The following FOXP2 variants were observed in gnomAD, a reference collection of about 807,000 sequenced individuals.
FOXP2 encodes the protein forkhead box protein P2.
A neutral mutation model predicts 115.8 loss-of-function variants in FOXP2; 12 were observed. That is an observed-to-expected ratio of 0.10 (90% CI 0.07 to 0.17). The LOEUF (loss-of-function observed/expected upper bound fraction) is 0.17. Among genes scored for constraint, FOXP2 ranks in the 10% least tolerant of loss-of-function variants. The pLI, the probability that FOXP2 is intolerant of heterozygous loss-of-function variation, is 1.00. For synonymous variants in FOXP2, 328 were observed against 297.7 expected, an observed-to-expected ratio of 1.10 and a Z score of -1.05; for missense variants, 629 against 843.5, an observed-to-expected ratio of 0.75 and a Z score of 3.15.
chr7:114,644,643 A>G (rs774876526), intron 7 of FOXP2, 42 bp from the exon 8 acceptor site: 1 of 1,547,824 alleles, frequency 6.5e-7, no homozygotes, highest in Non-Finnish European at 8.9e-7. Flanking sequence ...CAACGATTAT[A>G]GCTTTTTGAG....
chr7:114,530,105 C>G (rs929876782), intron 2 of FOXP2, among the ~76,000 whole-genome samples: 1 of 151,774 alleles, frequency 6.6e-6, no homozygotes, highest in African/African-American at 2.4e-5. Context: ...AGTATACACC[C>G]CTTGTCAGTA....
At chr7:114,624,456 C>T (rs1363316551) in intron 3 of FOXP2, among the ~76,000 whole-genome samples, 1 of 151,848 alleles carries the variant, frequency 6.6e-6, no homozygotes, top group East Asian at 1.9e-4. Flanking sequence ...TTCCAATTCA[C>T]ATTTAGTGAA....
chr7:114,321,126 G>A (rs56776962), intron 2 of FOXP2, among the ~76,000 whole-genome samples: 1,589 of 152,156 alleles, frequency 0.01, 29 homozygotes, highest in African/African-American at 0.036. Flanking sequence ...TAGAAGGAGA[G>A]TTAGGTAACA....
chr7:114,426,149 T>A (rs1793835618), intron 1 of FOXP2, among the ~76,000 whole-genome samples: 2 of 151,638 alleles, frequency 1.3e-5, no homozygotes, highest in African/African-American at 4.8e-5. Flanking sequence ...CAAAGGTAGA[T>A]AATAGGAAAC....
upstream of FOXP2, among the ~76,000 whole-genome samples, chr7:114,411,943 A>G (rs988748173): frequency 5.9e-5 from 9 of 152,126 alleles, no homozygotes; most frequent in Admixed American, 5.2e-4. Flanking sequence ...TGTGTTTTTG[A>G]AATAGATTTT....
intron 2 of FOXP2, among the ~76,000 whole-genome samples, chr7:114,428,912 A>AAT (rs1463684076): frequency 6.6e-6 from 1 of 151,602 alleles, no homozygotes; most frequent in Non-Finnish European, 1.5e-5. Flanking sequence ...ATTTAGATGT[A>AAT]AAGTTTTACA....
intron 1 of FOXP2, among the ~76,000 whole-genome samples, chr7:114,255,197 C>T (rs1338540386): frequency 0.041 from 3 of 74 alleles, no homozygotes; most frequent in Non-Finnish European, 0.029. Context: ...TGTCAGTCTG[C>T]CCCTACTGGC....
At chr7:114,599,974 A>G (rs1802934347) in intron 3 of FOXP2, among the ~76,000 whole-genome samples, 1 of 152,100 alleles carries the variant, frequency 6.6e-6, no homozygotes, top group Non-Finnish European at 1.5e-5. Context: ...TGTTACTGGC[A>G]TCTTGCACTG....
chr7:114,461,301 T>C (rs1370343670), intron 2 of FOXP2, among the ~76,000 whole-genome samples: 4 of 152,190 alleles, frequency 2.6e-5, no homozygotes, highest in Non-Finnish European at 5.9e-5. Context: ...TAATTTCATT[T>C]TGGTTGTCTG....
At chr7:114,281,095 ATTTTTTT>A (rs71157578) in intron 1 of FOXP2, among the ~76,000 whole-genome samples, 12 of 92,880 alleles carry the variant, frequency 1.3e-4, no homozygotes, top group African/African-American at 4.3e-4. Context: ...TGCAATTTGA[ATTTTTTT>A]TTTTTTTTTT....
At chr7:114,142,413 T>C (rs948490904) in intron 1 of FOXP2, among the ~76,000 whole-genome samples, 1 of 152,164 alleles carries the variant, frequency 6.6e-6, no homozygotes, top group Non-Finnish European at 1.5e-5. Context: ...ATCAATTTTC[T>C]TAATATTATA....
rs1797401208 is a variant in FOXP2, at chr7:114,498,049, G to A, written c.169-36568G>A. ...CTCTGAAACATCCACTATTATCTAT[G>A]ATACCGAAATGTTTTTGACTTATAA... On this transcript the variant is annotated intron_variant, in intron 2 of 16. Coordinates refer to ENST00000350908, the MANE Select transcript of FOXP2 (RefSeq NM_014491.4). Among the ~76,000 whole-genome samples the A allele has an allele frequency of 3.3e-5, 5 of 152,198 alleles. No individual in the cohort carries two copies. In the South Asian group the frequency reaches 8.3e-4, roughly 25 times the overall value.
At chr7:114,329,521 G>GAA (rs1414515085) in intron 2 of FOXP2, among the ~76,000 whole-genome samples, 4 of 97,682 alleles carry the variant, frequency 4.1e-5, no homozygotes, top group Non-Finnish European at 6.2e-5. Context: ...CTCCATCTCG[G>GAA]AAAAAAAAAA....
chr7:114,481,863 A>G (rs1274424721), intron 2 of FOXP2, among the ~76,000 whole-genome samples: 2 of 151,110 alleles, frequency 1.3e-5, no homozygotes, highest in East Asian at 1.9e-4. Context: ...CGGTAAATAG[A>G]AAGGCCTGAT....
chr7:114,098,985 A>G (rs912915805), intron 1 of FOXP2, among the ~76,000 whole-genome samples: 8 of 152,102 alleles, frequency 5.3e-5, no homozygotes, highest in Non-Finnish European at 8.8e-5. Flanking sequence ...AACTGCAAAA[A>G]TTAGCCGGGC....
chr7:114,679,326 T>A (rs1807954816), intron 16 of FOXP2, among the ~76,000 whole-genome samples: 1 of 152,176 alleles, frequency 6.6e-6, no homozygotes, highest in Non-Finnish European at 1.5e-5. Context: ...TATAAATTCT[T>A]CACTTCTTTC....
intron 1 of FOXP2, among the ~76,000 whole-genome samples, chr7:114,154,474 T>G (rs746427052): frequency 3.1e-4 from 47 of 152,086 alleles, no homozygotes; most frequent in Non-Finnish European, 6.0e-4. Context: ...ATGAATCCAT[T>G]GATGCTGATA....
chr7:114,590,060 C>T (rs1011609483), intron 3 of FOXP2, among the ~76,000 whole-genome samples: 4 of 152,058 alleles, frequency 2.6e-5, no homozygotes, highest in African/African-American at 9.7e-5. Context: ...AACAAATATT[C>T]ATGATCATCT....
intron 2 of FOXP2, among the ~76,000 whole-genome samples, chr7:114,326,327 C>G (rs1196223651): frequency 6.6e-6 from 1 of 152,064 alleles, no homozygotes; most frequent in Non-Finnish European, 1.5e-5. Context: ...GTTGAAGAGT[C>G]TATAAATTAA....
Sources: gnomAD v4.1 joint callset for allele counts (sites outside exome capture counted in the v4.1 genomes callset) on GRCh38, gnomAD v4.1.1 for gene constraint, MANE v1.5 for transcripts, NCBI Gene and HGNC (gene_info 2026-07-23, HGNC 2026-07-21) for gene names.